Variants in MYBPC3 observed in about 807,000 individuals in gnomAD.
The protein encoded by MYBPC3 is myosin-binding protein C, cardiac-type.
Under a neutral mutation model 159.3 loss-of-function variants are expected in MYBPC3, and 108 were observed. The observed-to-expected ratio is 0.68, with a 90% confidence interval of 0.58 to 0.80. The LOEUF (loss-of-function observed/expected upper bound fraction) is 0.80. Among genes scored for constraint, MYBPC3 ranks in the 30% least tolerant of loss-of-function variants. MYBPC3 has a pLI of 0.00. For synonymous variants in MYBPC3, 730 were observed against 702.0 expected (o/e 1.04, Z -0.63); for missense variants, 1,631 against 1,762.1 (o/e 0.93, Z 1.33).
At position 47,348,537 on chromosome 11, in the gene MYBPC3, T is replaced by G; in HGVS notation, c.659A>C (p.Tyr220Ser). ...ATCGGTGATGTGCAGCTCGAACAGATAGACCTGTGTGCATGGAGGGACGGG... is the reference window on the plus strand; with the variant it reads ...ATCGGTGATGTGCAGCTCGAACAGAGAGACCTGTGTGCATGGAGGGACGGG... Reference protein sequence around the residue: ...HDSYDRASKVYLFELHITDAQ... With the variant: ...HDSYDRASKVSLFELHITDAQ... Residue 220 changes from tyrosine (Y) to serine (S), a missense_variant, in exon 6 of 35, where the codon TAT (tyrosine) becomes TCT (serine). Physicochemically the swap from Tyr to Ser is moderately radical, Grantham distance 144 (BLOSUM62 -2). Coordinates refer to ENST00000545968, the MANE Select transcript of MYBPC3 (RefSeq NM_000256.3). 1.9e-6 allele frequency: 3 copies of G among 1,611,000 alleles called. No homozygotes were observed. The highest frequency in any genetic ancestry group is 2.5e-6 in the Non-Finnish European group (3 of 1,178,292).
chr11:47,346,926 G>A lies in MYBPC3; in HGVS notation c.908+101C>T. ...CCCTGTCCGTGGGGAGCCGCACCCT[G>A]CTCTGAGTCTCTCACCACAGCCTCT... On this transcript the variant is annotated intron_variant, in intron 10 of 34. Coordinates refer to ENST00000545968, the MANE Select transcript of MYBPC3 (RefSeq NM_000256.3). The surrounding 1 kb of genome is among the most constrained non-coding windows in gnomAD (Gnocchi z 5.3). 1 of 756,854 alleles carries A rather than the reference G, an allele frequency of 1.3e-6. No individual in the cohort carries two copies. The highest frequency in any genetic ancestry group is 1.4e-5 in the South Asian group (1 of 72,686). The allele number at this position is 756,854 out of a possible 1,614,324, so 46.9% of individuals were successfully genotyped here. A position where few individuals can be genotyped will look rare whatever the true frequency, so the allele number is the denominator to read the frequency against.
chr11:47,334,481 G>A (rs2095880342), intron 27 of MYBPC3, among the ~76,000 whole-genome samples: 1 of 152,178 alleles, frequency 6.6e-6, no homozygotes, highest in South Asian at 2.1e-4. Context: ...AGACACTCCT[G>A]GAAGAGAGCT....
At chr11:47,336,159 G>A (rs1242259061) in intron 25 of MYBPC3, 148 bp from the exon 26 acceptor site, 1 of 808,026 alleles carries the variant, frequency 1.2e-6, no homozygotes, top group Non-Finnish European at 1.7e-6. Context: ...TTTTGTCCCT[G>A]TTACAAGACA....
chr11:47,338,302 T>A lies in MYBPC3; in HGVS notation c.2308+218A>T, dbSNP rs11570093. Among the ~76,000 whole-genome samples, 10 of 152,202 alleles carry A rather than the reference T, an allele frequency of 6.6e-5. No individual in the cohort carries two copies. Among genetic ancestry groups the A allele is most frequent in the Admixed American group, 1.3e-4 (2 of 15,288 alleles). Reference sequence around the variant, plus strand: ...CAGTGCTCCCACGGCACTCTGGACATGGCTCATGTACAGCAGTGTCGCAGG... The same window carrying A: ...CAGTGCTCCCACGGCACTCTGGACAAGGCTCATGTACAGCAGTGTCGCAGG... On this transcript the variant is annotated intron_variant, in intron 23 of 34. Transcript: ENST00000545968. The surrounding 1 kb of genome is among the most constrained non-coding windows in gnomAD (Gnocchi z 4.7).
chr11:47,350,487 C>A lies in MYBPC3; in HGVS notation c.406+15G>T. Reference sequence around the variant, plus strand: ...TACCCACGGATCCTGCCCCTCCCTGCCCAGCCCCTCTCACCTTTGGGACTT... The same window carrying A: ...TACCCACGGATCCTGCCCCTCCCTGACCAGCCCCTCTCACCTTTGGGACTT... On this transcript the variant is annotated intron_variant, in intron 3 of 34. Coordinates refer to ENST00000545968, the MANE Select transcript of MYBPC3 (RefSeq NM_000256.3). 1 of 1,549,932 alleles carries A rather than the reference C, an allele frequency of 6.5e-7. No homozygotes were observed. Among genetic ancestry groups the A allele is most frequent in the East Asian group, 2.4e-5 (1 of 41,394 alleles).
Position 47,341,128 on chromosome 11 carries a change from G to C in MYBPC3, c.1897+10C>G. The C allele has an allele frequency of 2.5e-6, 4 of 1,583,896 alleles. No homozygotes were observed. Among genetic ancestry groups the C allele is most frequent in the Non-Finnish European group, 3.4e-6 (4 of 1,163,432 alleles). On this transcript the variant is annotated intron_variant, in intron 19 of 34. Coordinates refer to ENST00000545968, the MANE Select transcript of MYBPC3 (RefSeq NM_000256.3). ...CTGCCCCGACCCACCCTACCCTGGA[G>C]CAGGCTCACCCATGAAGTGGAGCTT... is the stretch of plus-strand genomic sequence containing the variant.
At chr11:47,336,258 T>A in intron 25 of MYBPC3, 1 of 291,104 alleles carries the variant, frequency 3.4e-6, no homozygotes, top group Non-Finnish European at 6.3e-6. Flanking sequence ...GAGGCCGAGG[T>A]GGGAGGATCA....
Position 47,346,102 on chromosome 11 carries a change from C to G in MYBPC3, c.1090+105G>C. On this transcript the variant is annotated intron_variant, in intron 12 of 34. Coordinates refer to ENST00000545968, the MANE Select transcript of MYBPC3 (RefSeq NM_000256.3). The surrounding 1 kb of genome is among the most constrained non-coding windows in gnomAD (Gnocchi z 5.3). ...GACGAGGTGGGGGGCTAACCTGTGC[C>G]CTCTCCTCTCCCCTGTGGGGAAGGG... 1.4e-6 allele frequency: 2 copies of G among 1,479,204 alleles called. No homozygotes were observed. Among genetic ancestry groups the G allele is most frequent in the Non-Finnish European group, 1.8e-6 (2 of 1,092,402 alleles). The allele number at this position is 1,479,204 out of a possible 1,614,324, so 91.6% of individuals were successfully genotyped here.
Position 47,343,121 on chromosome 11 carries a change from G to T in MYBPC3, c.1251C>A (p.Ala417=). The T allele has an allele frequency of 6.2e-7, 1 of 1,611,712 alleles. No individual in the cohort carries two copies. The highest frequency in any genetic ancestry group is 1.7e-5 in the Admixed American group (1 of 59,660). ...GSKYIFESIG[A]KRTLTISQCS... ...ACTGGCTGATGGTCAGGGTACGCTT[G>T]GCACCGATGGACTCAAAGATGTACC... Residue 417 remains alanine, a synonymous_variant, in exon 15 of 35, where the codon GCC becomes GCA. Coordinates refer to ENST00000545968, the MANE Select transcript of MYBPC3 (RefSeq NM_000256.3).
At chr11:47,339,180 G>T in intron 22 of MYBPC3, 144 bp downstream of exon 22, 1 of 837,614 alleles carries the variant, frequency 1.2e-6, no homozygotes, top group South Asian at 1.4e-5. Flanking sequence ...GAGGTGTGAG[G>T]GCCCCACAGG....
intron 6 of MYBPC3, 97 bp from the exon 7 acceptor site, chr11:47,348,002 G>C (rs1467935901): frequency 1.7e-6 from 2 of 1,186,238 alleles, no homozygotes; most frequent in Non-Finnish European, 1.2e-6. Flanking sequence ...TCACAGACTT[G>C]CCCATTCATG....
Position 47,342,912 on chromosome 11 carries a change from G to C in MYBPC3, c.1375C>G (p.Pro459Ala), listed in dbSNP as rs758901980. Residue 459 changes from proline to alanine, a missense_variant, in exon 16 of 35, where the codon CCC becomes GCC. Physicochemically the swap from Pro to Ala is conservative, Grantham distance 27. Transcript: ENST00000545968. ...VKEPPVLITRPLEDQLVMVGQ... is the reference protein window; with the variant it reads ...VKEPPVLITRALEDQLVMVGQ... ...ACCATCACCAGCTGGTCCTCCAAGG[G>C]GCGCGTGATGAGCACAGGGGGCTCT... is the stretch of plus-strand genomic sequence containing the variant. 6.2e-6 allele frequency: 10 copies of C among 1,612,328 alleles called. No homozygotes were observed. The highest frequency in any genetic ancestry group is 7.6e-6 in the Non-Finnish European group (9 of 1,179,128).
At chr11:47,345,504 C>A (rs1166986453) in intron 12 of MYBPC3, among the ~76,000 whole-genome samples, 1 of 152,150 alleles carries the variant, frequency 6.6e-6, no homozygotes, top group African/African-American at 2.4e-5. Flanking sequence ...TGGAAGCTGA[C>A]CCCTCCATTC....
chr11:47,342,347 T>C (rs1345738497), intron 17 of MYBPC3, among the ~76,000 whole-genome samples, 191 bp from the exon 18 acceptor site: 1 of 152,194 alleles, frequency 6.6e-6, no homozygotes, highest in Non-Finnish European at 1.5e-5. Context: ...ACCTCAAGTG[T>C]CTGAGGGGTG....
In MYBPC3 at chr11:47,332,016, C is replaced by G. The variant is rs781215518; in HGVS notation, c.3814+56G>C. On this transcript the variant is annotated intron_variant, in intron 33 of 34. Coordinates refer to ENST00000545968, the MANE Select transcript of MYBPC3 (RefSeq NM_000256.3). This position sits in a 1 kb window ranked among gnomAD's most constrained non-coding sequence, Gnocchi z 4.2. ...AGGACAACGGAGCAAAGCCCAGGGT[C>G]CCCACTGCCGCCCGCTCTTCCCATC... The G allele has an allele frequency of 1.4e-5, 23 of 1,598,052 alleles. No individual in the cohort carries two copies. Among genetic ancestry groups the G allele is most frequent in the Middle Eastern group, 4.1e-4 (2 of 4,872 alleles).
rs1484417197 is a variant in MYBPC3 at position 47,351,706 on chromosome 11, C to G, written c.26-201G>C. On this transcript the variant is annotated intron_variant, in intron 1 of 34. Transcript: ENST00000545968. This position sits in a 1 kb window ranked among gnomAD's most constrained non-coding sequence, Gnocchi z 4.2. Reference sequence around the variant, plus strand: ...GGCTCAGAGAAGCTAAGCGGCTCCTCCAAGATCACACAGCTAGCAGTCGGG... The same window carrying G: ...GGCTCAGAGAAGCTAAGCGGCTCCTGCAAGATCACACAGCTAGCAGTCGGG... Among the ~76,000 whole-genome samples the G allele has an allele frequency of 6.6e-6, 1 of 152,246 alleles. No homozygotes were observed. Among genetic ancestry groups the G allele is most frequent in the Non-Finnish European group, 1.5e-5 (1 of 68,042 alleles).
At chr11:47,344,858 C>T (rs1257702035) in intron 12 of MYBPC3, among the ~76,000 whole-genome samples, 1 of 152,258 alleles carries the variant, frequency 6.6e-6, no homozygotes, top group Non-Finnish European at 1.5e-5. Context: ...TGGCACAATC[C>T]TGACTCACTG....
intron 12 of MYBPC3, among the ~76,000 whole-genome samples, chr11:47,345,562 G>A (rs1305864393): frequency 1.3e-5 from 2 of 152,170 alleles, no homozygotes; most frequent in Non-Finnish European, 2.9e-5. Context: ...CCCTGTGCTA[G>A]ACCCAGACAT....
At chr11:47,349,500 A>C (rs996062742) in intron 5 of MYBPC3, among the ~76,000 whole-genome samples, 1 of 148,760 alleles carries the variant, frequency 6.7e-6, no homozygotes. Context: ...CCCCGGCCAA[A>C]CCTTATTAGG....
Sources: allele counts gnomAD v4.1 joint callset (sites outside exome capture counted in the v4.1 genomes callset), GRCh38; gene constraint gnomAD v4.1.1; non-coding constraint Gnocchi (gnomAD v3.1); transcripts MANE v1.5; gene names NCBI Gene and HGNC (gene_info 2026-07-23, HGNC 2026-07-21).